SOX5: variants seen among roughly 807,000 people sequenced by gnomAD.
SOX5 encodes the protein SRY-box transcription factor 5.
SOX5 carries 9 observed loss-of-function variants against 92.0 expected under a neutral mutation model. The observed-to-expected ratio is 0.10, with a 90% confidence interval of 0.06 to 0.17. SOX5 has a LOEUF of 0.17. Ranked by LOEUF, SOX5 falls within the 10% of genes least tolerant of loss-of-function variation. The pLI is 1.00. For synonymous variants in SOX5, 344 were observed against 336.3 expected, an observed-to-expected ratio of 1.02 and a Z score of -0.25; for missense variants, 642 against 944.5, an observed-to-expected ratio of 0.68 and a Z score of 4.20.
intron 3 of SOX5, among the ~76,000 whole-genome samples, chr12:24,256,735 T>C (rs1473021153): frequency 6.6e-6 from 1 of 152,148 alleles, no homozygotes; most frequent in Non-Finnish European, 1.5e-5. Context: ...GCATGAAGCA[T>C]GGCCCATCCT....
intron 1 of SOX5, among the ~76,000 whole-genome samples, chr12:24,538,810 T>C (rs1324363367): frequency 6.6e-6 from 1 of 152,314 alleles, no homozygotes; most frequent in Middle Eastern, 3.4e-3. Flanking sequence ...CGGTTAGCAG[T>C]ACTATGACAT....
At chr12:24,494,859 A>G (rs1365795724) in intron 1 of SOX5, among the ~76,000 whole-genome samples, 1 of 152,216 alleles carries the variant, frequency 6.6e-6, no homozygotes, top group Non-Finnish European at 1.5e-5. Flanking sequence ...AGAATTAACT[A>G]CAAAATTGCT....
intron 3 of SOX5, among the ~76,000 whole-genome samples, chr12:23,779,923 G>A (rs1006358868): frequency 6.9e-6 from 1 of 144,914 alleles, no homozygotes; most frequent in Admixed American, 7.0e-5. Context: ...AAAAAGACAT[G>A]TGTTTATGTG....
intron 3 of SOX5, among the ~76,000 whole-genome samples, chr12:23,774,750 ATTCTTGTAGTCATTTTCTC>A (rs1336996562): frequency 6.6e-6 from 1 of 152,148 alleles, no homozygotes; most frequent in Admixed American, 6.5e-5. Context: ...ACCCTGTCTC[ATTCTTGTAGTCATTTTCTC>A]TGAAGAAAAA....
chr12:24,366,939 G>GA (rs1022535480), intron 2 of SOX5, among the ~76,000 whole-genome samples: 31 of 149,076 alleles, frequency 2.1e-4, no homozygotes, highest in Middle Eastern at 3.2e-3. Context: ...AAGGAGAAAA[G>GA]AAAAAAAAAG....
intron 1 of SOX5, among the ~76,000 whole-genome samples, chr12:24,492,710 T>A (rs1349562723): frequency 6.6e-6 from 1 of 152,230 alleles, no homozygotes; most frequent in Non-Finnish European, 1.5e-5. Flanking sequence ...CTACAAGTGA[T>A]ACTTACGTAT....
intron 2 of SOX5, among the ~76,000 whole-genome samples, chr12:23,872,563 G>A (rs1337793272): frequency 1.3e-5 from 2 of 152,032 alleles, no homozygotes; most frequent in African/African-American, 4.8e-5. Flanking sequence ...GGTAGACACT[G>A]GCAGTAAAAA....
intron 1 of SOX5, among the ~76,000 whole-genome samples, chr12:24,370,607 T>C (rs909943797): frequency 6.6e-6 from 1 of 150,638 alleles, no homozygotes; most frequent in Admixed American, 6.6e-5. Context: ...GCCTGGCCAA[T>C]ATGGCGAAAA....
chr12:24,020,501 T>A (rs146092366), intron 4 of SOX5, among the ~76,000 whole-genome samples: 1 of 152,212 alleles, frequency 6.6e-6, no homozygotes, highest in East Asian at 1.9e-4. Flanking sequence ...CATCCCTCAA[T>A]GTGTGGTTAG....
chr12:23,769,951 T>C (rs942665824), intron 3 of SOX5, among the ~76,000 whole-genome samples: 1 of 152,098 alleles, frequency 6.6e-6, no homozygotes, highest in African/African-American at 2.4e-5. Context: ...CAGGGATGTA[T>C]TTATAATGAG....
At chr12:24,506,966 A>G (rs1441878803) in intron 1 of SOX5, among the ~76,000 whole-genome samples, 1 of 151,128 alleles carries the variant, frequency 6.6e-6, no homozygotes, top group African/African-American at 2.4e-5. Flanking sequence ...AATTTTTTGT[A>G]TTTTTAGTAG....
rs1555114756 is a variant in SOX5, at chr12:23,530,798, A to ACTGTGTGTGTGTGTGTGTGT, written c.*3420_*3421insACACACACACACACACACAG. The ACTGTGTGTGTGTGTGTGTGT allele has an allele frequency of 9.1e-6, 1 of 109,472 alleles. No individual in the cohort carries two copies. The highest frequency in any genetic ancestry group is 1.9e-5 in the Non-Finnish European group (1 of 51,770). 6.8% of individuals were successfully genotyped at this position (109,472 alleles called of 1,614,324 possible). On this transcript the variant is annotated 3_prime_UTR_variant, in exon 15 of 15. Transcript: ENST00000451604. ...AAGATTATTTCTCAGTGTTGGGGCA[A>ACTGTGTGTGTGTGTGTGTGT]GTGTGTGTGTGTGTGTGTGTGCGCG...
chr12:23,542,474 T>A (rs1282674404), intron 13 of SOX5, among the ~76,000 whole-genome samples: 1 of 152,176 alleles, frequency 6.6e-6, no homozygotes, highest in Non-Finnish European at 1.5e-5. Flanking sequence ...CCTGAACTGG[T>A]CTATAATAGG....
intron 9 of SOX5, among the ~76,000 whole-genome samples, chr12:23,602,119 A>T (rs755575231): frequency 1.3e-4 from 20 of 152,162 alleles, no homozygotes; most frequent in African/African-American, 4.6e-4. Flanking sequence ...TTGAATTTCA[A>T]AGAAGAACTA....
intron 8 of SOX5, among the ~76,000 whole-genome samples, chr12:23,634,211 T>C (rs1203142305): frequency 6.6e-6 from 1 of 152,136 alleles, no homozygotes; most frequent in Non-Finnish European, 1.5e-5. Flanking sequence ...GATACATTAT[T>C]GAACAACAGC....
At chr12:24,367,947 T>G (rs2136233047) in intron 2 of SOX5, 1 of 152,314 alleles carries the variant, frequency 6.6e-6, no homozygotes, top group East Asian at 1.9e-4. Context: ...ATTTACTATA[T>G]TTAGTTCTTC....
chr12:23,762,470 T>C (rs954035871), intron 3 of SOX5: 7 of 420,196 alleles, frequency 1.7e-5, no homozygotes, highest in Non-Finnish European at 2.5e-5. Flanking sequence ...AGAAACTCCA[T>C]AGCATTAAGA....
At chr12:24,012,177 G>A (rs529527068) in intron 4 of SOX5, among the ~76,000 whole-genome samples, 1 of 152,162 alleles carries the variant, frequency 6.6e-6, no homozygotes, top group Non-Finnish European at 1.5e-5. Flanking sequence ...TTGCAAATGG[G>A]TTATTTAGCG....
intron 1 of SOX5, among the ~76,000 whole-genome samples, chr12:24,489,785 C>T (rs1946870284): frequency 6.6e-6 from 1 of 152,190 alleles, no homozygotes; most frequent in African/African-American, 2.4e-5. Context: ...CATCCCTTAT[C>T]AGCAAACAAG....
Sources: gnomAD v4.1 joint callset for allele counts (sites outside exome capture counted in the v4.1 genomes callset) on GRCh38, gnomAD v4.1.1 for gene constraint, MANE v1.5 for transcripts, NCBI Gene and HGNC (gene_info 2026-07-23, HGNC 2026-07-21) for gene names.